SLC8A3: variants seen among roughly 807,000 people sequenced by gnomAD.
The protein encoded by SLC8A3 is solute carrier family 8 member A3.
SLC8A3 carries 37 observed loss-of-function variants against 65.4 expected under a neutral mutation model. The observed-to-expected ratio is 0.57, with a 90% CI of 0.44 to 0.74. SLC8A3 has a LOEUF of 0.74. Among genes scored for constraint, SLC8A3 ranks in the 30% least tolerant of loss-of-function variants. The pLI is 0.00. For missense variants in SLC8A3, 1,112 were observed against 1,172.1 expected (o/e 0.95, Z 0.75); for synonymous variants, 461 against 444.5 (o/e 1.04, Z -0.47).
chr14:70,163,637 C>T (rs148148192), intron 2 of SLC8A3, among the ~76,000 whole-genome samples: 30 of 152,230 alleles, frequency 2.0e-4, no homozygotes, highest in African/African-American at 4.6e-4. Flanking sequence ...GCTAAATTGG[C>T]GTTGAAAGTT....
intron 1 of SLC8A3, among the ~76,000 whole-genome samples, chr14:70,171,574 G>A (rs1255753205): frequency 2.0e-5 from 3 of 152,174 alleles, no homozygotes; most frequent in Non-Finnish European, 2.9e-5. Flanking sequence ...GTTGAGACAG[G>A]TGGATCACTT....
intron 2 of SLC8A3, among the ~76,000 whole-genome samples, chr14:70,141,747 T>C (rs1164989058): frequency 2.0e-5 from 3 of 152,186 alleles, no homozygotes; most frequent in African/African-American, 7.2e-5. Flanking sequence ...TTAATGAATA[T>C]CAGGAATCAA....
Position 70,133,733 on chromosome 14 carries a change from C to T in SLC8A3, c.1784+32906G>A, listed in dbSNP as rs116871782. Among the ~76,000 whole-genome samples, 46 of 152,280 alleles carry T rather than the reference C, an allele frequency of 3.0e-4. No homozygotes were observed. The East Asian group carries it at 8.3e-3, about 27-fold the overall frequency. On this transcript the variant is annotated intron_variant, in intron 2 of 6. Coordinates refer to ENST00000356921, the MANE Select transcript of SLC8A3 (RefSeq NM_182932.3). ...TAAAGGGGAGACTCTGATGAAAACC[C>T]AGCTCTGATAGAAGCACAATTCTGG...
At chr14:70,169,665 A>G (rs1470494925) in intron 1 of SLC8A3, among the ~76,000 whole-genome samples, 1 of 112,706 alleles carries the variant, frequency 8.9e-6, no homozygotes, top group Non-Finnish European at 1.7e-5. Context: ...TGAAAATACC[A>G]TGGAATAGCT....
chr14:70,170,057 A>C (rs901420299), intron 1 of SLC8A3, among the ~76,000 whole-genome samples: 2 of 152,190 alleles, frequency 1.3e-5, no homozygotes, highest in East Asian at 3.9e-4. Context: ...AACTCTCACT[A>C]GTTCTCAATT....
intron 2 of SLC8A3, among the ~76,000 whole-genome samples, chr14:70,117,402 A>G (rs1893741833): frequency 6.6e-6 from 1 of 152,182 alleles, no homozygotes; most frequent in Non-Finnish European, 1.5e-5. Flanking sequence ...TTCTGTGCCC[A>G]GTTGGGCTTC....
At chr14:70,086,893 A>G (rs1891484510) in intron 2 of SLC8A3, among the ~76,000 whole-genome samples, 1 of 152,124 alleles carries the variant, frequency 6.6e-6, no homozygotes, top group Non-Finnish European at 1.5e-5. Flanking sequence ...TCTGAGATGA[A>G]TCAGATTCCA....
At chr14:70,122,423 G>A (rs915889202) in intron 2 of SLC8A3, among the ~76,000 whole-genome samples, 1 of 152,106 alleles carries the variant, frequency 6.6e-6, no homozygotes, top group Non-Finnish European at 1.5e-5. Context: ...AGGACAATGG[G>A]GAGGGCTCTG....
intron 2 of SLC8A3, among the ~76,000 whole-genome samples, chr14:70,102,537 G>A (rs1009350502): frequency 4.6e-5 from 7 of 152,004 alleles, no homozygotes; most frequent in African/African-American, 1.7e-4. Flanking sequence ...TGACTCAGAT[G>A]GAATTAACTG....
Position 70,055,959 on chromosome 14 carries a change from G to A in SLC8A3, c.1889-3845C>T, listed in dbSNP as rs374377701. 5.5e-5 allele frequency: 36 copies of A among 655,530 alleles called. No individual in the cohort carries two copies. In the East Asian group the frequency reaches 6.0e-4, roughly 11 times the overall value. 40.6% of individuals were successfully genotyped at this position (655,530 alleles called of 1,614,324 possible). A position where few individuals can be genotyped will look rare whatever the true frequency, so the allele number is the denominator to read the frequency against. On this transcript the variant is annotated intron_variant, in intron 3 of 6. Transcript: ENST00000356921. Reference sequence around the variant, plus strand: ...GTAGGTGAGAGCTCAGCAGCCATACGCAAAAAGAAGCCTTTGGAGCATGCA... The same window carrying A: ...GTAGGTGAGAGCTCAGCAGCCATACACAAAAAGAAGCCTTTGGAGCATGCA...
At chr14:70,057,132 C>G (rs921071934) in intron 3 of SLC8A3, among the ~76,000 whole-genome samples, 2 of 152,104 alleles carry the variant, frequency 1.3e-5, no homozygotes, top group Admixed American at 6.5e-5. Context: ...ATCAATCATC[C>G]TATATTCACA....
In SLC8A3 at chr14:70,167,236, G is replaced by T; in HGVS notation, c.1187C>A (p.Ser396Tyr). 6.2e-7 allele frequency: 1 copy of T among 1,614,194 alleles called. No homozygotes were observed. Among genetic ancestry groups the T allele is most frequent in the Non-Finnish European group, 8.5e-7 (1 of 1,180,036 alleles). ...VHTDEPEDFI[S>Y]KVFFDPCSYQ... ...AGAACATGGGTCAAAGAAGACCTTG[G>T]AAATAAAGTCCTCAGGCTCATCGGT... The change falls in exon 2 of 7, where the codon TCC becomes TAC. Residue 396 changes from serine to tyrosine, a missense_variant. Ser to Tyr is a moderately radical substitution (Grantham distance 144, BLOSUM62 -2). Transcript: ENST00000356921.
At chr14:70,174,391 T>C (rs1897736954) in intron 1 of SLC8A3, among the ~76,000 whole-genome samples, 2 of 152,148 alleles carry the variant, frequency 1.3e-5, no homozygotes, top group African/African-American at 4.8e-5. Context: ...ATCCATAAAA[T>C]GCAGGTTGGG....
intron 1 of SLC8A3, among the ~76,000 whole-genome samples, chr14:70,183,358 C>T (rs963533081): frequency 2.6e-5 from 4 of 152,182 alleles, no homozygotes; most frequent in African/African-American, 7.2e-5. Flanking sequence ...TAAATACTCA[C>T]GTACATACAC....
At chr14:70,120,212 T>C (rs1164614862) in intron 2 of SLC8A3, among the ~76,000 whole-genome samples, 1 of 152,204 alleles carries the variant, frequency 6.6e-6, no homozygotes, top group Admixed American at 6.5e-5. Context: ...TTTCACTGAG[T>C]AAGCCAATGA....
chr14:70,046,219 G>C lies in SLC8A3; in HGVS notation c.2494C>G (p.Leu832Val). 6.2e-7 allele frequency: 1 copy of C among 1,614,252 alleles called. No homozygotes were observed. Among genetic ancestry groups the C allele is most frequent in the Non-Finnish European group, 8.5e-7 (1 of 1,180,036 alleles). ...NAVNVFLGIGLAWSVAAIYWA... is the reference protein window; with the variant it reads ...NAVNVFLGIGVAWSVAAIYWA... ...TAGATGGCGGCCACGGACCAGGCCA[G>C]GCCGATGCCCAGGAAGACATTGACG... Residue 832 changes from leucine (L) to valine (V), a missense_variant, in exon 7 of 7, where the codon CTG (leucine) becomes GTG (valine). Transcript: ENST00000356921. This position sits in a 1 kb window ranked among gnomAD's most constrained non-coding sequence, Gnocchi z 4.2.
In SLC8A3 at chr14:70,184,188, T is replaced by C. The variant is rs139926218; in HGVS notation, c.-63+4191A>G. On this transcript the variant is annotated intron_variant, in intron 1 of 6. Coordinates refer to ENST00000356921, the MANE Select transcript of SLC8A3 (RefSeq NM_182932.3). ...GAAGAAACCCCCGCCCTCACCTTCA[T>C]AGACTGCCGGGACCATACACCTGGG... 2.5e-3 allele frequency among the ~76,000 whole-genome samples: 381 copies of C among 152,316 alleles called. 4 individuals are homozygous for C. Among genetic ancestry groups the C allele is most frequent in the African/African-American group, 8.9e-3 (369 of 41,570 alleles).
intron 2 of SLC8A3, among the ~76,000 whole-genome samples, chr14:70,144,335 A>ATTT: frequency 1.6e-5 from 2 of 128,014 alleles, no homozygotes; most frequent in Non-Finnish European, 3.7e-5. Context: ...TTTTTTTAAA[A>ATTT]AAAAAAAAAA....
At chr14:70,049,151 C>G in intron 5 of SLC8A3, 109 bp from the exon 6 acceptor site, 1 of 1,115,502 alleles carries the variant, frequency 9.0e-7, no homozygotes, top group Non-Finnish European at 1.3e-6. Flanking sequence ...GAAGGGGACT[C>G]CAGCTGTCTT....
Sources: allele counts gnomAD v4.1 joint callset (sites outside exome capture counted in the v4.1 genomes callset), GRCh38; gene constraint gnomAD v4.1.1; non-coding constraint Gnocchi (gnomAD v3.1); transcripts MANE v1.5; gene names NCBI Gene and HGNC (gene_info 2026-07-23, HGNC 2026-07-21).